CACNA1B: variants seen among roughly 807,000 people sequenced by gnomAD.
CACNA1B encodes voltage-dependent N-type calcium channel subunit alpha-1B.
A neutral mutation model predicts 247.2 loss-of-function variants in CACNA1B; 70 were observed. The ratio of observed to expected loss-of-function variants is 0.28; its 90% CI spans 0.23 to 0.35. CACNA1B has a LOEUF of 0.35. Ranked by LOEUF, CACNA1B falls within the 10% of genes least tolerant of loss-of-function variation. The probability of loss-of-function intolerance (pLI) is 1.00; values close to 1 mark genes in which losing one functional copy is unlikely to be tolerated. For missense variants in CACNA1B, 2,367 were observed against 3,197.4 expected, an observed-to-expected ratio of 0.74 and a Z score of 6.26; for synonymous variants, 1,231 against 1,294.4, an observed-to-expected ratio of 0.95 and a Z score of 1.05.
Position 138,100,974 on chromosome 9 carries a change from T to C in CACNA1B, c.5223-1737T>C. 2.4e-6 allele frequency: 1 copy of C among 416,282 alleles called. No individual in the cohort carries two copies. Among genetic ancestry groups the C allele is most frequent in the Non-Finnish European group, 5.0e-6 (1 of 201,094 alleles). 25.8% of individuals were successfully genotyped at this position (416,282 alleles called of 1,614,324 possible). A position where few individuals can be genotyped will look rare whatever the true frequency, so the allele number is the denominator to read the frequency against. The stretch of plus-strand genomic sequence containing the variant: ...CCCAGTACCCCGGCGAGGTGCCACC[T>C]GTCCAGTGCACCCCTCACCTCCGCC... On this transcript the variant is annotated intron_variant, in intron 37 of 46. Transcript: ENST00000371372. The surrounding 1 kb of genome is among the most constrained non-coding windows in gnomAD (Gnocchi z 4.6).
intron 6 of CACNA1B, among the ~76,000 whole-genome samples, chr9:137,918,216 G>C (rs556919590): frequency 6.6e-6 from 1 of 151,992 alleles, no homozygotes; most frequent in African/African-American, 2.4e-5. Context: ...GGCTTGGGGG[G>C]GGTGCCTGAT....
At position 137,882,116 on chromosome 9, in the gene CACNA1B, A is replaced by G. The variant is rs903631519; in HGVS notation, c.391-628A>G. ...CTCATTTCTGTTGTTTTCTGCCGAG[A>G]TGTGCATGTTCTGGTTACCCGGGTG... On this transcript the variant is annotated intron_variant, in intron 2 of 46. Coordinates refer to ENST00000371372, the MANE Select transcript of CACNA1B (RefSeq NM_000718.4). This position sits in a 1 kb window ranked among gnomAD's most constrained non-coding sequence, Gnocchi z 4.0. Among the ~76,000 whole-genome samples the G allele has an allele frequency of 8.5e-5, 13 of 152,140 alleles. No individual in the cohort carries two copies. The highest frequency in any genetic ancestry group is 3.1e-4 in the African/African-American group (13 of 41,504).
chr9:138,028,223 G>A (rs1422778022), intron 20 of CACNA1B, among the ~76,000 whole-genome samples: 7 of 151,606 alleles, frequency 4.6e-5, no homozygotes, highest in South Asian at 2.1e-4. Flanking sequence ...GGGTTTCGCC[G>A]TGTTGGCCAG....
At chr9:137,935,970 C>G (rs903486406) in intron 6 of CACNA1B, among the ~76,000 whole-genome samples, 4 of 152,186 alleles carry the variant, frequency 2.6e-5, no homozygotes, top group African/African-American at 9.6e-5. Flanking sequence ...CATTCTCCTG[C>G]CTCAGCCTCC....
intron 25 of CACNA1B, among the ~76,000 whole-genome samples, chr9:138,053,466 G>T (rs907249140): frequency 6.6e-6 from 1 of 152,110 alleles, no homozygotes; most frequent in African/African-American, 2.4e-5. Context: ...GGCCTCAGTG[G>T]TCCTCAGGTT....
intron 18 of CACNA1B, among the ~76,000 whole-genome samples, chr9:138,015,304 G>A (rs561695537): frequency 2.0e-5 from 3 of 152,230 alleles, no homozygotes; most frequent in South Asian, 2.1e-4. Flanking sequence ...TCTGATTTCC[G>A]CCACAAGAGA....
intron 3 of CACNA1B, among the ~76,000 whole-genome samples, chr9:137,904,074 G>T (rs1253287682): frequency 6.6e-6 from 1 of 152,046 alleles, no homozygotes; most frequent in East Asian, 1.9e-4. Flanking sequence ...TTCTCTCATT[G>T]GTTTGATCTC....
At chr9:138,027,179 A>G in intron 20 of CACNA1B, among the ~76,000 whole-genome samples, 1 of 152,076 alleles carries the variant, frequency 6.6e-6, no homozygotes. Context: ...CTTTCATCAG[A>G]TATGTGTTTT....
intron 36 of CACNA1B, among the ~76,000 whole-genome samples, chr9:138,088,840 T>C (rs1960786010): frequency 6.7e-6 from 1 of 150,336 alleles, no homozygotes; most frequent in Admixed American, 6.6e-5. Flanking sequence ...ACGCCTGTGG[T>C]CCCAAGTACT....
In CACNA1B at chr9:138,102,460, C is replaced by T. The variant is rs976860657; in HGVS notation, c.5223-251C>T. ...CAGACGCCACCCCCGCCCACTGCCC[C>T]GCGTGGGGCTGGAGTGAGGAGGTGA... On this transcript the variant is annotated intron_variant, in intron 37 of 46. Transcript: ENST00000371372. This position sits in a 1 kb window ranked among gnomAD's most constrained non-coding sequence, Gnocchi z 5.4. Among the ~76,000 whole-genome samples the T allele has an allele frequency of 1.2e-4, 18 of 152,156 alleles. No individual in the cohort carries two copies. Among genetic ancestry groups the T allele is most frequent in the East Asian group, 1.9e-4 (1 of 5,170 alleles).
In CACNA1B at chr9:138,110,008, AG is replaced by A. The variant is rs572385846; in HGVS notation, c.5429-2389del. On this transcript the variant is annotated intron_variant, in intron 39 of 46. Transcript: ENST00000371372. ...GTCGGAGGTTGCAGTGAGCCAAGAT[AG>A]TGCCACTGTACTCCAGCCTTGGTGA... 3.2e-4 allele frequency among the ~76,000 whole-genome samples: 49 copies of A among 152,170 alleles called. 1 individual carries two copies. In the South Asian group the frequency reaches 5.2e-3, roughly 16 times the overall value.
intron 15 of CACNA1B, among the ~76,000 whole-genome samples, chr9:137,994,314 T>C (rs1212647798): frequency 1.3e-5 from 2 of 152,142 alleles, no homozygotes; most frequent in African/African-American, 4.8e-5. Context: ...CTGTCACCAC[T>C]CTCTTCAGCA....
intron 15 of CACNA1B, among the ~76,000 whole-genome samples, chr9:137,999,137 C>T (rs984651867): frequency 5.3e-5 from 8 of 152,036 alleles, no homozygotes; most frequent in African/African-American, 1.7e-4. Context: ...ACCAAAATGG[C>T]GAGACCCCGT....
Position 138,011,816 on chromosome 9 carries a change from C to T in CACNA1B, c.2161-1313C>T, listed in dbSNP as rs1589067072. Among the ~76,000 whole-genome samples the T allele has an allele frequency of 3.3e-5, 5 of 152,242 alleles. No individual in the cohort carries two copies. The highest frequency in any genetic ancestry group is 3.3e-4 in the Admixed American group (5 of 15,298). On this transcript the variant is annotated intron_variant, in intron 17 of 46. Transcript: ENST00000371372. This position sits in a 1 kb window ranked among gnomAD's most constrained non-coding sequence, Gnocchi z 4.2. ...GGACTTAGTTTCTGCCAGCGTTGCG[C>T]CCCGAATGCAGATTCAAGGACATTT...
chr9:137,931,670 A>G (rs552662931), intron 6 of CACNA1B, among the ~76,000 whole-genome samples: 8 of 151,966 alleles, frequency 5.3e-5, no homozygotes, highest in Admixed American at 6.6e-5. Flanking sequence ...CCTATTGGGG[A>G]TCATGGAACT....
chr9:138,118,899 T>C, intron 44 of CACNA1B, 131 bp downstream of exon 44: 1 of 607,154 alleles, frequency 1.6e-6, no homozygotes, highest in Non-Finnish European at 2.9e-6. Flanking sequence ...GTGGAGCTCT[T>C]TGCTGAGGCA....
At chr9:138,028,440 G>A (rs576419039) in intron 20 of CACNA1B, among the ~76,000 whole-genome samples, 1 of 152,228 alleles carries the variant, frequency 6.6e-6, no homozygotes, top group East Asian at 1.9e-4. Flanking sequence ...AGTCATAATA[G>A]AACATAAAAT....
rs1032703269 is a variant in CACNA1B, at chr9:137,879,171, G to A, written c.390+12G>A. ...TGTCCGAGCGGCTGGTGAGTGCCCGGCTGGGCCTGAGGGCAGGGTGGTGGG... is the reference window on the plus strand; with the variant it reads ...TGTCCGAGCGGCTGGTGAGTGCCCGACTGGGCCTGAGGGCAGGGTGGTGGG... On this transcript the variant is annotated intron_variant, in intron 2 of 46. Coordinates refer to ENST00000371372, the MANE Select transcript of CACNA1B (RefSeq NM_000718.4). 7.6e-6 allele frequency: 12 copies of A among 1,581,958 alleles called. No individual in the cohort carries two copies. Among genetic ancestry groups the A allele is most frequent in the Non-Finnish European group, 1.0e-5 (12 of 1,157,854 alleles).
chr9:138,023,411 C>G lies in CACNA1B; in HGVS notation c.2668C>G (p.Arg890Gly). Residue 890 changes from arginine to glycine, a missense_variant, in exon 19 of 47, where the codon CGC becomes GGC. Around this residue, in one of 12 missense-constraint regions of CACNA1B, gnomAD observed 631 missense variants for 631.1 expected, o/e 1.00. Transcript: ENST00000371372. ...GAREERPRPH[R>G]SHSKEAAGPP... Reference sequence around the variant, plus strand: ...CCGGGAGGAGCGGCCGCGGCCGCACCGCAGCCACAGCAAGGAGGCCGCGGG... The same window carrying G: ...CCGGGAGGAGCGGCCGCGGCCGCACGGCAGCCACAGCAAGGAGGCCGCGGG... 5 of 1,325,404 alleles carry G rather than the reference C, an allele frequency of 3.8e-6. No homozygotes were observed. The South Asian group carries it at 8.2e-5, about 22-fold the overall frequency. The allele number at this position is 1,325,404 out of a possible 1,614,324, so 82.1% of individuals were successfully genotyped here. A position where few individuals can be genotyped will look rare whatever the true frequency, so the allele number is the denominator to read the frequency against.
Sources: allele counts gnomAD v4.1 joint callset (sites outside exome capture counted in the v4.1 genomes callset), GRCh38; gene constraint gnomAD v4.1.1; regional missense constraint gnomAD v4.1.1; non-coding constraint Gnocchi (gnomAD v3.1); transcripts MANE v1.5; gene names NCBI Gene and HGNC (gene_info 2026-07-23, HGNC 2026-07-21).